Variants in GABRB1 observed in about 807,000 individuals in gnomAD.
GABRB1 encodes the protein gamma-aminobutyric acid type A receptor subunit beta1, also known as gamma-aminobutyric acid receptor subunit beta-1.
Under a neutral mutation model 51.6 loss-of-function variants are expected in GABRB1, and 17 were observed. The observed-to-expected ratio is 0.33, with a 90% CI of 0.23 to 0.49. GABRB1 has a LOEUF of 0.49. Ranked by LOEUF, GABRB1 falls within the 20% of genes least tolerant of loss-of-function variation. GABRB1 has a pLI of 0.99. For synonymous variants in GABRB1, 247 were observed against 218.9 expected (o/e 1.13, Z -1.14); for missense variants, 410 against 600.6 (o/e 0.68, Z 3.32).
intron 8 of GABRB1, among the ~76,000 whole-genome samples, chr4:47,425,377 CCACACACACACACA>C (rs34275303): frequency 8.0e-5 from 11 of 138,328 alleles, no homozygotes; most frequent in East Asian, 2.1e-4. Flanking sequence ...AGAAGAAATA[CCACACACACACACA>C]CACACACACA....
At chr4:47,165,353 T>C (rs1371479129) in intron 4 of GABRB1, among the ~76,000 whole-genome samples, 3 of 151,984 alleles carry the variant, frequency 2.0e-5, no homozygotes, top group Non-Finnish European at 4.4e-5. Context: ...TCTCTTCAGT[T>C]TCTGCTTTGA....
chr4:47,399,788 C>T (rs1335152712), intron 5 of GABRB1, among the ~76,000 whole-genome samples: 3 of 152,148 alleles, frequency 2.0e-5, no homozygotes, highest in Middle Eastern at 6.3e-3. Context: ...GGGTGTCATT[C>T]CATAATCTTT....
At chr4:47,071,656 T>C (rs1727341980) in intron 3 of GABRB1, among the ~76,000 whole-genome samples, 1 of 151,272 alleles carries the variant, frequency 6.6e-6, no homozygotes, top group South Asian at 2.1e-4. Flanking sequence ...TCTTTTTTTT[T>C]TTTTTCCGTC....
At chr4:47,070,144 T>C (rs1235572833) in intron 3 of GABRB1, among the ~76,000 whole-genome samples, 2 of 151,994 alleles carry the variant, frequency 1.3e-5, no homozygotes, top group Non-Finnish European at 2.9e-5. Flanking sequence ...CAAGCCATTC[T>C]CCTGCCTCAG....
intron 8 of GABRB1, among the ~76,000 whole-genome samples, chr4:47,419,400 A>G (rs924314188): frequency 7.9e-5 from 12 of 152,178 alleles, no homozygotes; most frequent in Admixed American, 5.9e-4. Context: ...TTCAGGAAGG[A>G]GATGAAAGAA....
chr4:47,051,663 T>C (rs1437308617), intron 3 of GABRB1, among the ~76,000 whole-genome samples: 1 of 152,164 alleles, frequency 6.6e-6, no homozygotes, highest in East Asian at 1.9e-4. Flanking sequence ...GAGACCAGAA[T>C]GATAATAAGA....
intron 5 of GABRB1, among the ~76,000 whole-genome samples, chr4:47,363,938 T>C (rs139531875): frequency 1.1e-4 from 17 of 152,298 alleles, no homozygotes; most frequent in African/African-American, 4.1e-4. Context: ...CCCAGAACAC[T>C]TAATCAGGAC....
chr4:47,042,520 C>CACT (rs1179804079), intron 3 of GABRB1, among the ~76,000 whole-genome samples: 2 of 147,948 alleles, frequency 1.4e-5, no homozygotes, highest in Non-Finnish European at 1.5e-5. Flanking sequence ...AAAAAATAAT[C>CACT]ACTACTTTTC....
At chr4:47,071,706 C>T (rs758072094) in intron 3 of GABRB1, among the ~76,000 whole-genome samples, 6 of 147,692 alleles carry the variant, frequency 4.1e-5, no homozygotes, top group Non-Finnish European at 5.9e-5. Flanking sequence ...AAGGCTGGGA[C>T]ATTTATCTAT....
chr4:47,330,600 A>T (rs1725443065), intron 5 of GABRB1, among the ~76,000 whole-genome samples: 1 of 152,196 alleles, frequency 6.6e-6, no homozygotes, highest in South Asian at 2.1e-4. Context: ...AGACACTTCA[A>T]CTAATAAGAA....
intron 3 of GABRB1, among the ~76,000 whole-genome samples, chr4:47,156,845 G>A (rs953011241): frequency 6.6e-6 from 1 of 151,948 alleles, no homozygotes; most frequent in Admixed American, 6.6e-5. Flanking sequence ...GTGAACACCT[G>A]TAATCTCAGC....
At chr4:47,216,039 T>C (rs1481383860) in intron 4 of GABRB1, among the ~76,000 whole-genome samples, 1 of 151,942 alleles carries the variant, frequency 6.6e-6, no homozygotes. Context: ...AATACATTAA[T>C]TACAAAGAAT....
intron 5 of GABRB1, among the ~76,000 whole-genome samples, chr4:47,397,086 CTCT>C (rs1261540517): frequency 6.6e-6 from 1 of 151,810 alleles, no homozygotes; most frequent in Non-Finnish European, 1.5e-5. Context: ...TATTTTTTGT[CTCT>C]TATTTACTTT....
intron 5 of GABRB1, among the ~76,000 whole-genome samples, chr4:47,325,174 C>T (rs1287326619): frequency 6.6e-6 from 1 of 152,158 alleles, no homozygotes; most frequent in Non-Finnish European, 1.5e-5. Flanking sequence ...CAGTGGCTCA[C>T]GCCTGTAACC....
chr4:47,168,019 T>G (rs1336413149), intron 4 of GABRB1, among the ~76,000 whole-genome samples: 1 of 152,176 alleles, frequency 6.6e-6, no homozygotes, highest in Non-Finnish European at 1.5e-5. Flanking sequence ...TCTGTACTTG[T>G]GTTGTTGAGT....
At chr4:47,186,216 TG>T (rs891730379) in intron 4 of GABRB1, among the ~76,000 whole-genome samples, 8 of 99,746 alleles carry the variant, frequency 8.0e-5, no homozygotes, top group Non-Finnish European at 4.0e-5. Flanking sequence ...CATGAATTGG[TG>T]GGGGGGCGGG....
Position 47,032,481 on chromosome 4 carries a change from T to C in GABRB1, c.237T>C (p.Asn79=), listed in dbSNP as rs372567401. 1.8e-4 allele frequency: 286 copies of C among 1,613,544 alleles called. No homozygotes were observed. Among genetic ancestry groups the C allele is most frequent in the Non-Finnish European group, 2.0e-4 (239 of 1,179,810 alleles). Residue 79 remains asparagine (N), a synonymous_variant, in exon 3 of 9, where the codon AAT becomes AAC. Transcript: ENST00000295454. ...GCATAGACATGGTCTCCGAAGTGAA[T>C]ATGGTGAGTGGCCTCCCGAGGGGCC... The part of the protein sequence containing the change: ...VASIDMVSEV[N]MDYTLTMYFQ...
At chr4:47,080,615 C>T (rs1365603966) in intron 3 of GABRB1, among the ~76,000 whole-genome samples, 1 of 152,046 alleles carries the variant, frequency 6.6e-6, no homozygotes, top group Non-Finnish European at 1.5e-5. Context: ...CAAGGTCTTG[C>T]TATTTTGCCT....
intron 4 of GABRB1, among the ~76,000 whole-genome samples, chr4:47,168,211 T>C (rs1336678306): frequency 6.6e-6 from 1 of 152,164 alleles, no homozygotes; most frequent in East Asian, 1.9e-4. Context: ...TATATTGTCG[T>C]ATGTCATCTT....
Sources: allele counts gnomAD v4.1 joint callset (sites outside exome capture counted in the v4.1 genomes callset), GRCh38; gene constraint gnomAD v4.1.1; transcripts MANE v1.5; gene names NCBI Gene and HGNC (gene_info 2026-07-23, HGNC 2026-07-21).